SGCZ: variants seen among roughly 807,000 people sequenced by gnomAD.
The protein encoded by SGCZ is sarcoglycan zeta.
A neutral mutation model predicts 41.3 loss-of-function variants in SGCZ; 40 were observed. The ratio of observed to expected loss-of-function variants is 0.97; its 90% CI spans 0.75 to 1.26. The LOEUF is 1.26. Among genes scored for constraint, SGCZ ranks in the 50% most tolerant of loss-of-function variants. SGCZ has a pLI of 0.00. For synonymous variants in SGCZ, 206 were observed against 137.5 expected, an observed-to-expected ratio of 1.50 and a Z score of -3.49; for missense variants, 552 against 369.8, an observed-to-expected ratio of 1.49 and a Z score of -4.04.
At chr8:14,565,508 C>T (rs1275132908) in intron 1 of SGCZ, among the ~76,000 whole-genome samples, 1 of 151,840 alleles carries the variant, frequency 6.6e-6, no homozygotes, top group African/African-American at 2.4e-5. Flanking sequence ...AAAGACAGTC[C>T]ACGGGCACCA....
At chr8:14,260,989 C>G (rs1306614269) in intron 3 of SGCZ, among the ~76,000 whole-genome samples, 2 of 152,106 alleles carry the variant, frequency 1.3e-5, no homozygotes, top group Admixed American at 6.5e-5. Flanking sequence ...GGAGATATAC[C>G]TAACGCTAGA....
intron 3 of SGCZ, among the ~76,000 whole-genome samples, chr8:14,284,879 T>A (rs1467700111): frequency 6.6e-6 from 1 of 152,208 alleles, no homozygotes; most frequent in African/African-American, 2.4e-5. Flanking sequence ...GTTTTTTCTG[T>A]TGTCTGCTTT....
chr8:14,187,707 C>G (rs544173016), intron 4 of SGCZ, among the ~76,000 whole-genome samples: 1 of 151,834 alleles, frequency 6.6e-6, no homozygotes, highest in Non-Finnish European at 1.5e-5. Flanking sequence ...TGCAGGACAC[C>G]ATTAAGAATG....
At chr8:14,378,795 C>G (rs1585426584) in intron 2 of SGCZ, among the ~76,000 whole-genome samples, 1 of 152,092 alleles carries the variant, frequency 6.6e-6, no homozygotes, top group Non-Finnish European at 1.5e-5. Context: ...AGATGCCCAG[C>G]TTGTGTCCCA....
chr8:14,864,284 C>A (rs188313242), intron 1 of SGCZ, among the ~76,000 whole-genome samples: 7 of 152,188 alleles, frequency 4.6e-5, no homozygotes, highest in African/African-American at 1.7e-4. Context: ...TTTGTATAAA[C>A]AAATCTGTGT....
In SGCZ at chr8:14,169,335, G is replaced by A. The variant is rs1804303546; in HGVS notation, c.425-4633C>T. ...AAGACCCTTGGCTGACAACCTTCTT[G>A]AAAGCATCTTATTGAACACCATTTT... On this transcript the variant is annotated intron_variant, in intron 4 of 7. Transcript: ENST00000382080. 5.9e-5 allele frequency among the ~76,000 whole-genome samples: 9 copies of A among 152,176 alleles called. No homozygotes were observed. The South Asian group carries it at 1.9e-3, about 32-fold the overall frequency.
chr8:14,716,560 A>C (rs1481773972), intron 1 of SGCZ, among the ~76,000 whole-genome samples: 1 of 152,094 alleles, frequency 6.6e-6, no homozygotes, highest in Non-Finnish European at 1.5e-5. Flanking sequence ...AGAAAACTAA[A>C]ACATTAATTT....
At chr8:14,435,910 C>A (rs1585509675) in intron 2 of SGCZ, among the ~76,000 whole-genome samples, 1 of 152,274 alleles carries the variant, frequency 6.6e-6, no homozygotes, top group African/African-American at 2.4e-5. Flanking sequence ...GCATGTAGTA[C>A]ACTCCAAAGG....
intron 2 of SGCZ, among the ~76,000 whole-genome samples, chr8:14,504,276 C>T (rs1802240079): frequency 6.6e-6 from 1 of 152,182 alleles, no homozygotes; most frequent in African/African-American, 2.4e-5. Flanking sequence ...TTTTAAATCT[C>T]TGAAATGACT....
intron 1 of SGCZ, among the ~76,000 whole-genome samples, chr8:14,839,005 G>C (rs1224459760): frequency 6.6e-6 from 1 of 152,114 alleles, no homozygotes; most frequent in Non-Finnish European, 1.5e-5. Context: ...ATGAAAGAAA[G>C]ACCTGGAGGG....
chr8:15,078,552 G>T (rs376391990), intron 1 of SGCZ, among the ~76,000 whole-genome samples: 2 of 152,022 alleles, frequency 1.3e-5, no homozygotes, highest in African/African-American at 4.8e-5. Context: ...CCACAGGTTA[G>T]ATTTTACATT....
intron 3 of SGCZ, among the ~76,000 whole-genome samples, chr8:14,317,222 G>A (rs1236382102): frequency 6.6e-6 from 1 of 151,928 alleles, no homozygotes; most frequent in Non-Finnish European, 1.5e-5. Context: ...TCCTTGAGTT[G>A]GCCACTGTGG....
chr8:15,021,648 G>A (rs1031605005), intron 1 of SGCZ, among the ~76,000 whole-genome samples: 3 of 152,170 alleles, frequency 2.0e-5, no homozygotes, highest in African/African-American at 7.2e-5. Flanking sequence ...CGTGGGATGT[G>A]ACGTGTTAAT....
chr8:15,134,946 C>A (rs553793698), intron 1 of SGCZ, among the ~76,000 whole-genome samples: 1 of 151,206 alleles, frequency 6.6e-6, no homozygotes, highest in Non-Finnish European at 1.5e-5. Context: ...GTTTTTCAAG[C>A]AATGTTGTTT....
chr8:14,745,376 T>A (rs1484689593), intron 1 of SGCZ, among the ~76,000 whole-genome samples: 2 of 152,162 alleles, frequency 1.3e-5, no homozygotes, highest in African/African-American at 4.8e-5. Flanking sequence ...CATATTGATC[T>A]GTTGCCAGGA....
chr8:14,125,041 C>A (rs1183211500), intron 5 of SGCZ, among the ~76,000 whole-genome samples: 4 of 152,122 alleles, frequency 2.6e-5, no homozygotes, highest in Non-Finnish European at 5.9e-5. Flanking sequence ...CTCCCATTCA[C>A]AACTGCTACA....
chr8:14,817,075 C>T (rs1471303786), intron 1 of SGCZ, among the ~76,000 whole-genome samples: 1 of 152,122 alleles, frequency 6.6e-6, no homozygotes, highest in African/African-American at 2.4e-5. Context: ...TAGCTTCTTC[C>T]ACACTATTTT....
chr8:14,264,649 G>C (rs1315296315), intron 3 of SGCZ, among the ~76,000 whole-genome samples: 1 of 152,096 alleles, frequency 6.6e-6, no homozygotes, highest in Non-Finnish European at 1.5e-5. Context: ...TAGAAATCTC[G>C]TGAAGAACAA....
At chr8:14,831,948 A>T (rs1585301660) in intron 1 of SGCZ, among the ~76,000 whole-genome samples, 1 of 152,236 alleles carries the variant, frequency 6.6e-6, no homozygotes, top group South Asian at 2.1e-4. Flanking sequence ...GATTGATTTA[A>T]TGAAAAGTGT....
Sources: allele counts gnomAD v4.1 joint callset (sites outside exome capture counted in the v4.1 genomes callset), GRCh38; gene constraint gnomAD v4.1.1; transcripts MANE v1.5; gene names NCBI Gene and HGNC (gene_info 2026-07-23, HGNC 2026-07-21).